The following KALRN variants were observed in gnomAD, a reference collection of about 807,000 sequenced individuals.
KALRN encodes the protein kalirin RhoGEF kinase.
In KALRN, 70 loss-of-function variants were observed where a neutral mutation model predicts 353.7. That is an observed-to-expected ratio of 0.20 (90% CI 0.16 to 0.24). The LOEUF is 0.24. KALRN is among the 10% of genes least tolerant of loss of function. KALRN has a pLI of 1.00. For synonymous variants in KALRN, 1,391 were observed against 1,434.8 expected, an observed-to-expected ratio of 0.97 and a Z score of 0.69; for missense variants, 2,791 against 3,756.7, an observed-to-expected ratio of 0.74 and a Z score of 6.72.
At chr3:124,682,279 A>G (rs2061375765) in intron 51 of KALRN, among the ~76,000 whole-genome samples, 1 of 152,176 alleles carries the variant, frequency 6.6e-6, no homozygotes, top group Admixed American at 6.5e-5. Context: ...TCCCAGACCC[A>G]GCCTGGCCCC....
chr3:124,504,982 G>T (rs1455815116), intron 33 of KALRN: 1 of 490,472 alleles, frequency 2.0e-6, no homozygotes, highest in South Asian at 1.5e-5. Context: ...CCAGGGGAAG[G>T]GGTACAAGAA....
At chr3:124,481,681 C>G (rs1037569768) in intron 27 of KALRN, among the ~76,000 whole-genome samples, 1 of 152,178 alleles carries the variant, frequency 6.6e-6, no homozygotes, top group Non-Finnish European at 1.5e-5. Context: ...TGGTCCTCAT[C>G]ATCATCTAAA....
chr3:124,494,994 C>A (rs1216792643), intron 32 of KALRN, among the ~76,000 whole-genome samples: 3 of 152,338 alleles, frequency 2.0e-5, no homozygotes, highest in Non-Finnish European at 2.9e-5. Flanking sequence ...CTGGCACAGA[C>A]CTTGCAGCCT....
intron 14 of KALRN, among the ~76,000 whole-genome samples, chr3:124,422,365 A>G (rs1218228802): frequency 6.6e-6 from 1 of 152,158 alleles, no homozygotes; most frequent in African/African-American, 2.4e-5. Context: ...ATCTAATGAT[A>G]AATTATATCT....
intron 49 of KALRN, chr3:124,675,448 T>A (rs1407847737): frequency 6.6e-6 from 1 of 152,036 alleles, no homozygotes; most frequent in African/African-American, 2.4e-5. Context: ...AGTTGACCCT[T>A]TTTCCCCTGT....
rs957465907 is a variant in KALRN, at chr3:124,206,366, C to T, written c.74-21624C>T. On this transcript the variant is annotated intron_variant, in intron 1 of 59. Transcript: ENST00000682506. ...TTTTATGAGCCAGTCCTGGAAGTGG[C>T]ATATGATACTTCTGCTCACCTTCCA... is the stretch of plus-strand genomic sequence containing the variant. 5.9e-5 allele frequency among the ~76,000 whole-genome samples: 9 copies of T among 152,188 alleles called. 1 individual carries two copies. The South Asian group carries it at 1.4e-3, about 24-fold the overall frequency.
intron 5 of KALRN, among the ~76,000 whole-genome samples, chr3:124,278,604 T>C (rs926228349): frequency 4.6e-5 from 7 of 151,988 alleles, no homozygotes; most frequent in African/African-American, 1.7e-4. Flanking sequence ...ACCCTAGGCC[T>C]TGGATGGAGG....
At chr3:124,230,846 AC>A (rs1177217904) in intron 2 of KALRN, among the ~76,000 whole-genome samples, 1 of 116,172 alleles carries the variant, frequency 8.6e-6, no homozygotes, top group Non-Finnish European at 1.8e-5. Flanking sequence ...AAACAAAAAA[AC>A]CCCCAAAACC....
intron 3 of KALRN, among the ~76,000 whole-genome samples, chr3:124,257,215 A>G (rs1436825070): frequency 1.3e-5 from 2 of 152,226 alleles, no homozygotes; most frequent in African/African-American, 4.8e-5. Flanking sequence ...ATATTGTAAT[A>G]TCTGATTTAG....
chr3:124,375,910 A>G (rs9855904), intron 10 of KALRN, among the ~76,000 whole-genome samples: 2,238 of 152,310 alleles, frequency 0.015, 51 homozygotes, highest in African/African-American at 0.051. Flanking sequence ...AACAACTACT[A>G]TAATTTTCTC....
chr3:124,262,380 T>C (rs1320497298), intron 3 of KALRN, among the ~76,000 whole-genome samples: 1 of 152,236 alleles, frequency 6.6e-6, no homozygotes, highest in Non-Finnish European at 1.5e-5. Flanking sequence ...TTTGACTACT[T>C]CAACTTTTGT....
intron 1 of KALRN, among the ~76,000 whole-genome samples, chr3:124,125,047 C>A (rs2064482845): frequency 6.6e-6 from 1 of 152,156 alleles, no homozygotes; most frequent in African/African-American, 2.4e-5. Flanking sequence ...CCAAATCTTG[C>A]TGAGCCTACA....
intron 33 of KALRN, among the ~76,000 whole-genome samples, chr3:124,507,477 G>A (rs1223760203): frequency 2.6e-5 from 4 of 152,162 alleles, no homozygotes; most frequent in Non-Finnish European, 5.9e-5. Flanking sequence ...AGAAAGTTCT[G>A]TTAACACGGA....
intron 33 of KALRN, among the ~76,000 whole-genome samples, chr3:124,559,404 G>A (rs1351052116): frequency 6.6e-6 from 1 of 152,180 alleles, no homozygotes; most frequent in African/African-American, 2.4e-5. Context: ...CATCAAGAAG[G>A]CTTAGCAGGC....
At chr3:124,564,005 CAAAA>C (rs56072904) in intron 34 of KALRN, among the ~76,000 whole-genome samples, 29 of 96,458 alleles carry the variant, frequency 3.0e-4, no homozygotes, top group East Asian at 8.5e-4. Context: ...GACTCTGTCT[CAAAA>C]AAAAAAAAAA....
At chr3:124,580,316 C>T (rs1434772105) in intron 34 of KALRN, among the ~76,000 whole-genome samples, 11 of 150,384 alleles carry the variant, frequency 7.3e-5, no homozygotes, top group Non-Finnish European at 1.2e-4. Flanking sequence ...AAAATACTTG[C>T]GCCCAGTTGC....
At chr3:124,626,568 T>G (rs950816297) in intron 34 of KALRN, among the ~76,000 whole-genome samples, 3 of 152,208 alleles carry the variant, frequency 2.0e-5, no homozygotes, top group African/African-American at 4.8e-5. Context: ...TTATTTGCAG[T>G]GTCCAGGGAT....
chr3:124,391,741 T>C (rs975476107), intron 11 of KALRN, among the ~76,000 whole-genome samples: 1 of 152,242 alleles, frequency 6.6e-6, no homozygotes, highest in Non-Finnish European at 1.5e-5. Flanking sequence ...TTCAAAATTA[T>C]GAGCTTGCAA....
chr3:124,595,215 A>G (rs1306957757), intron 34 of KALRN, among the ~76,000 whole-genome samples: 1 of 152,052 alleles, frequency 6.6e-6, no homozygotes, highest in African/African-American at 2.4e-5. Flanking sequence ...AATATGATAC[A>G]GAAGTGTTAC....
Sources: gnomAD v4.1 joint callset for allele counts (sites outside exome capture counted in the v4.1 genomes callset) on GRCh38, gnomAD v4.1.1 for gene constraint, MANE v1.5 for transcripts, NCBI Gene and HGNC (gene_info 2026-07-23, HGNC 2026-07-21) for gene names.